TANGO6: variants seen among roughly 807,000 people sequenced by gnomAD.
TANGO6 encodes transport and golgi organization 6 homolog, also known as transport and Golgi organization protein 6 homolog.
A neutral mutation model predicts 114.2 loss-of-function variants in TANGO6; 90 were observed. The observed-to-expected ratio is 0.79, with a 90% confidence interval of 0.66 to 0.94. The LOEUF (loss-of-function observed/expected upper bound fraction) is 0.94. Ranked by LOEUF, TANGO6 falls within the 40% of genes least tolerant of loss-of-function variation. The pLI, the probability that TANGO6 is intolerant of heterozygous loss-of-function variation, is 0.00. For synonymous variants in TANGO6, 477 were observed against 509.8 expected, an observed-to-expected ratio of 0.94 and a Z score of 0.87; for missense variants, 1,274 against 1,315.3, an observed-to-expected ratio of 0.97 and a Z score of 0.49.
In TANGO6 at chr16:68,945,506, G is replaced by C. The variant is rs796959878; in HGVS notation, c.2701+15211G>C. On this transcript the variant is annotated intron_variant, in intron 14 of 17. Transcript: ENST00000261778. ...CCCTGGCCTCTCAACTCTTAGGTGG[G>C]TATGACAAAAATGACCAAATTTGTT... Among the ~76,000 whole-genome samples the C allele has an allele frequency of 5.3e-5, 8 of 152,258 alleles. 1 individual carries two copies. Among genetic ancestry groups the C allele is most frequent in the African/African-American group, 1.9e-4 (8 of 41,564 alleles).
At chr16:69,029,776 G>C (rs1195407337) in intron 16 of TANGO6, among the ~76,000 whole-genome samples, 1 of 151,882 alleles carries the variant, frequency 6.6e-6, no homozygotes, top group African/African-American at 2.4e-5. Context: ...ATTTGAAGGG[G>C]GCTGATGATG....
chr16:69,036,480 A>G (rs1471077012), intron 16 of TANGO6, among the ~76,000 whole-genome samples: 2 of 152,128 alleles, frequency 1.3e-5, no homozygotes, highest in African/African-American at 4.8e-5. Context: ...AGTTTCCCAA[A>G]TGCTCTTCTG....
chr16:69,045,848 G>A (rs968105492), intron 17 of TANGO6, among the ~76,000 whole-genome samples: 32 of 150,958 alleles, frequency 2.1e-4, no homozygotes, highest in Non-Finnish European at 3.5e-4. Flanking sequence ...GGTGGATCAC[G>A]AGGTCAGGAA....
At chr16:68,872,010 T>A (rs1309406895) in intron 4 of TANGO6, among the ~76,000 whole-genome samples, 1 of 151,996 alleles carries the variant, frequency 6.6e-6, no homozygotes, top group Non-Finnish European at 1.5e-5. Context: ...CGTGGGCGGA[T>A]CACGAGGTCA....
At chr16:68,977,549 C>CA (rs1963776626) in intron 15 of TANGO6, among the ~76,000 whole-genome samples, 1 of 150,140 alleles carries the variant, frequency 6.7e-6, no homozygotes, top group African/African-American at 2.4e-5. Context: ...ACTAAAAATA[C>CA]AAAATTAGCT....
At chr16:68,877,892 G>A (rs998581199) in intron 5 of TANGO6, among the ~76,000 whole-genome samples, 1 of 152,162 alleles carries the variant, frequency 6.6e-6, no homozygotes, top group African/African-American at 2.4e-5. Flanking sequence ...ACAGGCGTGA[G>A]CCACCACACC....
chr16:68,877,067 G>C lies in TANGO6; in HGVS notation c.1132-1051G>C, dbSNP rs1962374097. ...CTAGAATTGAAATTATTGGTTCAAA[G>C]GTTTTATGCATTTAAATTTTTGATC... On this transcript the variant is annotated intron_variant, in intron 5 of 17. Transcript: ENST00000261778. 2.0e-5 allele frequency among the ~76,000 whole-genome samples: 3 copies of C among 152,062 alleles called. No individual in the cohort carries two copies. The South Asian group carries it at 6.2e-4, about 32-fold the overall frequency.
At position 68,867,171 on chromosome 16, in the gene TANGO6, A is replaced by C; in HGVS notation, c.945A>C (p.Arg315Ser). 2 of 1,613,772 alleles carry C rather than the reference A, an allele frequency of 1.2e-6. No homozygotes were observed. Among genetic ancestry groups the C allele is most frequent in the Non-Finnish European group, 1.7e-6 (2 of 1,179,862 alleles). The change falls in exon 4 of 18, where the codon AGA becomes AGC. Residue 315 changes from arginine to serine, a missense_variant. Coordinates refer to ENST00000261778, the MANE Select transcript of TANGO6 (RefSeq NM_024562.2). ...CGQLLSERLM[R>S]PNGVQAVVRG... ...AGCTGCTCTCTGAAAGGTTAATGAGACCTAATGGTGTTCAGGCAGTAGTCC... is the reference window on the plus strand; with the variant it reads ...AGCTGCTCTCTGAAAGGTTAATGAGCCCTAATGGTGTTCAGGCAGTAGTCC...
At chr16:68,938,825 G>A (rs75991620) in intron 14 of TANGO6, among the ~76,000 whole-genome samples, 8,461 of 151,938 alleles carry the variant, frequency 0.056, 319 homozygotes, top group Non-Finnish European at 0.077. Context: ...TATCTTAACA[G>A]TTCTATAAGC....
At chr16:68,965,283 C>T (rs1963634858) in intron 14 of TANGO6, among the ~76,000 whole-genome samples, 1 of 152,172 alleles carries the variant, frequency 6.6e-6, no homozygotes, top group Non-Finnish European at 1.5e-5. Flanking sequence ...CCTCAGCCTC[C>T]TGAGTAGCTG....
intron 14 of TANGO6, among the ~76,000 whole-genome samples, chr16:68,933,074 C>T (rs1963263309): frequency 6.6e-6 from 1 of 152,150 alleles, no homozygotes; most frequent in Non-Finnish European, 1.5e-5. Context: ...GTGGTGATCT[C>T]TGTAACTTCT....
At position 68,886,878 on chromosome 16, in the gene TANGO6, G is replaced by A. The variant is rs142674856; in HGVS notation, c.1377+6248G>A. Among the ~76,000 whole-genome samples the A allele has an allele frequency of 3.0e-3, 450 of 151,830 alleles. 2 individuals are homozygous for A. Among genetic ancestry groups the A allele is most frequent in the African/African-American group, 0.01 (423 of 41,380 alleles). On this transcript the variant is annotated intron_variant, in intron 7 of 17. Transcript: ENST00000261778. Reference sequence around the variant, plus strand: ...GCTGGAGTGCAGTTGTGCGATCTCAGCTTACTGCAACCTCTGCCTCCAAGG... The same window carrying A: ...GCTGGAGTGCAGTTGTGCGATCTCAACTTACTGCAACCTCTGCCTCCAAGG...
At chr16:68,912,238 C>G (rs901571690) in intron 11 of TANGO6, among the ~76,000 whole-genome samples, 1 of 152,200 alleles carries the variant, frequency 6.6e-6, no homozygotes, top group Non-Finnish European at 1.5e-5. Flanking sequence ...TGGCTCACGC[C>G]TGTAATCTTA....
chr16:68,995,360 C>G (rs1426193471), intron 15 of TANGO6, among the ~76,000 whole-genome samples: 5 of 152,328 alleles, frequency 3.3e-5, no homozygotes, highest in Admixed American at 2.6e-4. Flanking sequence ...AGGGGGAAAT[C>G]TATCCAGGGA....
At chr16:68,919,647 C>A (rs573239928) in intron 12 of TANGO6, among the ~76,000 whole-genome samples, 1 of 152,166 alleles carries the variant, frequency 6.6e-6, no homozygotes, top group Non-Finnish European at 1.5e-5. Context: ...ATTCTTCATC[C>A]CTTATCAGGT....
At chr16:68,915,650 C>T (rs941044765) in intron 11 of TANGO6, among the ~76,000 whole-genome samples, 1 of 152,180 alleles carries the variant, frequency 6.6e-6, no homozygotes, top group East Asian at 1.9e-4. Context: ...CTAGAAAGCG[C>T]TAGTGTCCTT....
rs574966292 is a variant in TANGO6 at position 68,980,373 on chromosome 16, C to T, written c.2842+6205C>T. On this transcript the variant is annotated intron_variant, in intron 15 of 17. Coordinates refer to ENST00000261778, the MANE Select transcript of TANGO6 (RefSeq NM_024562.2). Reference sequence around the variant, plus strand: ...CAGGATTACATGAGTATGAATCTATCTGTCTGTCATTCTCTCTCTCTCTCT... The same window carrying T: ...CAGGATTACATGAGTATGAATCTATTTGTCTGTCATTCTCTCTCTCTCTCT... Among the ~76,000 whole-genome samples the T allele has an allele frequency of 2.1e-3, 239 of 111,812 alleles. 6 individuals are homozygous for T. Among genetic ancestry groups the T allele is most frequent in the African/African-American group, 9.0e-3 (229 of 25,454 alleles). The allele number at this position is 111,812 out of a possible 152,430, so 73.4% of individuals were successfully genotyped here.
At chr16:68,996,609 G>A (rs1340216703) in intron 15 of TANGO6, among the ~76,000 whole-genome samples, 1 of 152,120 alleles carries the variant, frequency 6.6e-6, no homozygotes, top group East Asian at 1.9e-4. Flanking sequence ...TCTCCAGGGT[G>A]TCATCCCTAG....
intron 16 of TANGO6, among the ~76,000 whole-genome samples, chr16:69,026,948 C>T (rs1305857001): frequency 6.6e-6 from 1 of 151,576 alleles, no homozygotes; most frequent in Non-Finnish European, 1.5e-5. Context: ...CTGCAACCTC[C>T]ACCTCCTGGG....
Sources: gnomAD v4.1 joint callset for allele counts (sites outside exome capture counted in the v4.1 genomes callset) on GRCh38, gnomAD v4.1.1 for gene constraint, MANE v1.5 for transcripts, NCBI Gene and HGNC (gene_info 2026-07-23, HGNC 2026-07-21) for gene names.